The following MAP4K4 variants were observed in gnomAD, a reference collection of about 807,000 sequenced individuals.
MAP4K4 encodes the protein mitogen-activated protein kinase kinase kinase kinase 4, also known as HPK/GCK-like kinase HGK.
MAP4K4 carries 38 observed loss-of-function variants against 189.6 expected under a neutral mutation model. The ratio of observed to expected loss-of-function variants is 0.20; its 90% CI spans 0.15 to 0.26. MAP4K4 has a LOEUF of 0.26. Among genes scored for constraint, MAP4K4 ranks in the 10% least tolerant of loss-of-function variants. MAP4K4 has a pLI of 1.00. For missense variants in MAP4K4, 1,054 were observed against 1,726.9 expected (o/e 0.61, Z 6.91); for synonymous variants, 610 against 624.3 (o/e 0.98, Z 0.34).
At chr2:101,729,955 G>T (rs1455810355) in intron 2 of MAP4K4, among the ~76,000 whole-genome samples, 1 of 152,172 alleles carries the variant, frequency 6.6e-6, no homozygotes, top group Non-Finnish European at 1.5e-5. Context: ...GTGTAAAGAT[G>T]CCAGGAACCT....
chr2:101,703,641 CG>C (rs1168473445), intron 2 of MAP4K4, among the ~76,000 whole-genome samples: 2 of 92,080 alleles, frequency 2.2e-5, no homozygotes, highest in Non-Finnish European at 4.3e-5. Context: ...AAAAAAAAGG[CG>C]GGGGTGGGGT....
exon 33 of MAP4K4, chr2:101,892,449 G>A (rs2098583881): frequency 6.1e-6 from 1 of 164,442 alleles, no homozygotes; most frequent in Non-Finnish European, 1.3e-5. Flanking sequence ...CACCATTAGA[G>A]GTTGATGGGG....
intron 2 of MAP4K4, among the ~76,000 whole-genome samples, chr2:101,700,288 C>T (rs531304487): frequency 6.6e-6 from 1 of 152,256 alleles, no homozygotes; most frequent in African/African-American, 2.4e-5. Flanking sequence ...TTGTTATTTC[C>T]CCTCATTGCC....
Position 101,790,808 on chromosome 2 carries a change from T to C in MAP4K4, c.180+32T>C, listed in dbSNP as rs115403719. 5.7e-4 allele frequency: 872 copies of C among 1,534,184 alleles called. 5 individuals are homozygous for C. The African/African-American group carries it at 0.011, about 19-fold the overall frequency. On this transcript the variant is annotated intron_variant, in intron 3 of 32. Transcript: ENST00000324219. ...TTGAGTCACACACATTTTTAAATAA[T>C]GTTAGATGGAAGACAAAGATTCCCC...
intron 2 of MAP4K4, among the ~76,000 whole-genome samples, chr2:101,780,214 G>A (rs1038077958): frequency 6.6e-6 from 1 of 152,180 alleles, no homozygotes; most frequent in Non-Finnish European, 1.5e-5. Flanking sequence ...GAGTGGAAGG[G>A]ACCATGGGTG....
chr2:101,889,865 C>T (rs2098540877), intron 32 of MAP4K4, among the ~76,000 whole-genome samples: 1 of 152,174 alleles, frequency 6.6e-6, no homozygotes, highest in Non-Finnish European at 1.5e-5. Context: ...CCCGATACAT[C>T]CCAAACACAA....
chr2:101,843,086 T>A (rs1032435030), intron 11 of MAP4K4, among the ~76,000 whole-genome samples: 2 of 152,232 alleles, frequency 1.3e-5, no homozygotes, highest in Non-Finnish European at 2.9e-5. Context: ...GTGTCCTGAT[T>A]TATTTTACAG....
At chr2:101,868,893 A>G (rs1016175979) in intron 21 of MAP4K4, among the ~76,000 whole-genome samples, 6 of 152,036 alleles carry the variant, frequency 3.9e-5, no homozygotes, top group African/African-American at 9.7e-5. Flanking sequence ...ATGTATATAC[A>G]CAGATCCTTG....
chr2:101,882,701 G>T lies in MAP4K4; in HGVS notation c.3520+16G>T, dbSNP rs370596795. ...TATAAAGTTGGTAAGTTCTAGAAGC[G>T]TCATATTTTGTTTTTCCAGAGTTTG... On this transcript the variant is annotated intron_variant, in intron 28 of 32. Coordinates refer to ENST00000324219, the Ensembl canonical transcript of MAP4K4. 8.6e-6 allele frequency: 13 copies of T among 1,517,746 alleles called. No individual in the cohort carries two copies. The highest frequency in any genetic ancestry group is 1.1e-5 in the Non-Finnish European group (13 of 1,133,698). The allele number at this position is 1,517,746 out of a possible 1,614,324, so 94.0% of individuals were successfully genotyped here. A position where few individuals can be genotyped will look rare whatever the true frequency, so the allele number is the denominator to read the frequency against.
rs199961561 is a variant in MAP4K4 at position 101,868,841 on chromosome 2, GTTT to G, written c.2464-771_2464-769del. The stretch of plus-strand genomic sequence containing the variant: ...CCTTTCATTTTAATGTAGGTTTGAA[GTTT>G]TTTTTTTTTCAGTATGAGGTAAAAT... On this transcript the variant is annotated intron_variant, in intron 21 of 32. Coordinates refer to ENST00000324219, the Ensembl canonical transcript of MAP4K4. 7.8e-3 allele frequency among the ~76,000 whole-genome samples: 1,138 copies of G among 146,632 alleles called. 13 individuals carry two copies. Among genetic ancestry groups the G allele is most frequent in the African/African-American group, 0.027 (1,096 of 40,360 alleles).
chr2:101,825,354 A>C (rs1427697813), exon 5 of MAP4K4: 2 of 1,613,326 alleles, frequency 1.2e-6, no homozygotes, highest in Non-Finnish European at 1.7e-6. Context: ...GGTCCATTAC[A>C]GACCTTGTGA....
In MAP4K4 at chr2:101,790,736, C is replaced by T. The variant is rs1235107648; in HGVS notation, c.140C>T (p.Thr47Met). The T allele has an allele frequency of 1.8e-5, 29 of 1,610,178 alleles. No individual in the cohort carries two copies. The highest frequency in any genetic ancestry group is 2.3e-5 in the Non-Finnish European group (27 of 1,178,022). ...GTTTTTCAGGGTCGACATGTTAAAA[C>T]GGGTCAGTTGGCAGCCATCAAAGTT... The change falls in exon 3 of 33, where the codon ACG becomes ATG. Residue 47 changes from threonine to methionine, a missense_variant. This residue lies in a region of MAP4K4 where 200 missense variants were observed against 509.0 expected (regional missense o/e 0.39). Coordinates refer to ENST00000324219, the Ensembl canonical transcript of MAP4K4.
chr2:101,697,997 G>A, exon 1 of MAP4K4: 1 of 952,420 alleles, frequency 1.0e-6, no homozygotes, highest in Non-Finnish European at 1.4e-6. Flanking sequence ...CGAGGAGCGC[G>A]GTCGGCGGCC....
intron 2 of MAP4K4, among the ~76,000 whole-genome samples, chr2:101,771,507 T>C (rs1318907540): frequency 6.6e-6 from 1 of 152,220 alleles, no homozygotes. Context: ...TTCATGTGTT[T>C]TCCTCTGAAC....
chr2:101,698,773 G>C (rs1043347469), intron 2 of MAP4K4, among the ~76,000 whole-genome samples: 3 of 152,126 alleles, frequency 2.0e-5, no homozygotes, highest in African/African-American at 7.2e-5. Flanking sequence ...TACACTCTTA[G>C]GCATGCACTT....
chr2:101,761,321 A>G (rs112363775), intron 2 of MAP4K4, among the ~76,000 whole-genome samples: 1 of 151,618 alleles, frequency 6.6e-6, no homozygotes, highest in African/African-American at 2.4e-5. Context: ...TCTTAAAAAA[A>G]TTTTTTTTTA....
chr2:101,831,006 CCA>C (rs2096580223), intron 6 of MAP4K4, among the ~76,000 whole-genome samples: 1 of 152,204 alleles, frequency 6.6e-6, no homozygotes. Context: ...ATGGGCTCCT[CCA>C]CCTTTGCAGG....
chr2:101,825,457 C>G, intron 5 of MAP4K4, 28 bp downstream of exon 5: 1 of 1,434,114 alleles, frequency 7.0e-7, no homozygotes, highest in Non-Finnish European at 9.8e-7. Context: ...CTACAGTGCT[C>G]CAACTCATGA....
At chr2:101,820,776 TG>T (rs2096003892) in intron 3 of MAP4K4, among the ~76,000 whole-genome samples, 1 of 152,112 alleles carries the variant, frequency 6.6e-6, no homozygotes, top group South Asian at 2.1e-4. Flanking sequence ...CAGATACCAC[TG>T]GGAGTGAGTT....
Sources: allele counts gnomAD v4.1 joint callset (sites outside exome capture counted in the v4.1 genomes callset), GRCh38; gene constraint gnomAD v4.1.1; regional missense constraint gnomAD v4.1.1; transcripts MANE v1.5; gene names NCBI Gene and HGNC (gene_info 2026-07-23, HGNC 2026-07-21).